PLXDC1: variants seen among roughly 807,000 people sequenced by gnomAD.
PLXDC1 encodes plexin domain-containing protein 1.
PLXDC1 carries 39 observed loss-of-function variants against 61.3 expected under a neutral mutation model. The observed-to-expected ratio is 0.64, with a 90% CI of 0.49 to 0.83. The LOEUF is 0.83. Among genes scored for constraint, PLXDC1 ranks in the 40% least tolerant of loss-of-function variants. PLXDC1 has a pLI of 0.00. For missense variants in PLXDC1, 596 were observed against 666.5 expected, an observed-to-expected ratio of 0.89 and a Z score of 1.17; for synonymous variants, 212 against 254.5, an observed-to-expected ratio of 0.83 and a Z score of 1.59.
chr17:39,139,978 C>A, intron 1 of PLXDC1, 146 bp from the exon 2 acceptor site: 1 of 754,324 alleles, frequency 1.3e-6, no homozygotes, highest in Non-Finnish European at 2.1e-6. Flanking sequence ...ACAGGAGACA[C>A]CCAATGTGTA....
At chr17:39,111,144 C>A (rs957635318) in intron 2 of PLXDC1, among the ~76,000 whole-genome samples, 5 of 152,158 alleles carry the variant, frequency 3.3e-5, no homozygotes, top group African/African-American at 1.2e-4. Context: ...TGTGCCCACC[C>A]CCCAGACCAG....
upstream of PLXDC1, chr17:39,152,913 T>C: frequency 5.4e-6 from 2 of 368,120 alleles, no homozygotes; most frequent in Non-Finnish European, 9.6e-6. Flanking sequence ...CTAAACCCAA[T>C]GTCCCCTTAC....
intron 4 of PLXDC1, 92 bp from the exon 5 acceptor site, chr17:39,108,337 G>A: frequency 7.2e-7 from 1 of 1,379,696 alleles, no homozygotes; most frequent in Non-Finnish European, 1.0e-6. Flanking sequence ...GGGCAGCGCA[G>A]GCAGAGCTGG....
intron 7 of PLXDC1, among the ~76,000 whole-genome samples, chr17:39,101,830 C>G (rs1182540184): frequency 6.6e-6 from 1 of 152,160 alleles, no homozygotes; most frequent in Non-Finnish European, 1.5e-5. Flanking sequence ...CTGCCATCTC[C>G]CTCGATATCA....
chr17:39,125,507 G>A (rs1318983153), intron 2 of PLXDC1, among the ~76,000 whole-genome samples: 1 of 152,166 alleles, frequency 6.6e-6, no homozygotes, highest in Non-Finnish European at 1.5e-5. Context: ...GGCTTTTTGA[G>A]GGATTGTGAT....
At chr17:39,110,636 T>C (rs1026544688) in intron 2 of PLXDC1, among the ~76,000 whole-genome samples, 35 of 152,236 alleles carry the variant, frequency 2.3e-4, no homozygotes, top group African/African-American at 8.2e-4. Flanking sequence ...GAGCCCTGGG[T>C]CATTAATCAG....
chr17:39,132,393 G>A (rs1056860750), intron 2 of PLXDC1, among the ~76,000 whole-genome samples: 93 of 151,984 alleles, frequency 6.1e-4, no homozygotes, highest in African/African-American at 1.9e-3. Context: ...TCCCCGAAAC[G>A]CCCAGTGTCC....
Position 39,063,549 on chromosome 17 carries a change from A to G in PLXDC1, c.*4291T>C. Reference sequence around the variant, plus strand: ...GTTCAGCAGCCATCAGAACCAAGGTATGTGTGGTGATCTTCGGAATGCCAC... The same window carrying G: ...GTTCAGCAGCCATCAGAACCAAGGTGTGTGTGGTGATCTTCGGAATGCCAC... On this transcript the variant is annotated 3_prime_UTR_variant, in exon 14 of 14. Coordinates refer to ENST00000315392, the MANE Select transcript of PLXDC1 (RefSeq NM_020405.5). The G allele has an allele frequency of 1.4e-6, 1 of 698,782 alleles. No individual in the cohort carries two copies. Among genetic ancestry groups the G allele is most frequent in the Non-Finnish European group, 2.6e-6 (1 of 383,824 alleles). 43.3% of individuals were successfully genotyped at this position (698,782 alleles called of 1,614,324 possible).
At chr17:39,124,414 G>C (rs551541170) in intron 2 of PLXDC1, among the ~76,000 whole-genome samples, 118 of 152,174 alleles carry the variant, frequency 7.8e-4, no homozygotes, top group African/African-American at 2.6e-3. Context: ...GCAACATAGG[G>C]AGCCTCCATC....
At chr17:39,078,240 C>G (rs542447318) in intron 10 of PLXDC1, among the ~76,000 whole-genome samples, 192 bp from the exon 11 acceptor site, 1 of 152,276 alleles carries the variant, frequency 6.6e-6, no homozygotes, top group East Asian at 1.9e-4. Context: ...CAAAAGTAGG[C>G]GGCTGGACAG....
chr17:39,093,130 C>T lies in PLXDC1; in HGVS notation c.812-5428G>A, dbSNP rs572277108. 3.7e-4 allele frequency among the ~76,000 whole-genome samples: 57 copies of T among 152,306 alleles called. 1 individual carries two copies. The South Asian group carries it at 0.011, about 31-fold the overall frequency. On this transcript the variant is annotated intron_variant, in intron 7 of 13. Coordinates refer to ENST00000315392, the MANE Select transcript of PLXDC1 (RefSeq NM_020405.5). The stretch of plus-strand genomic sequence containing the variant: ...GTTGCCAGGCTGGAGTGCCGTGGTG[C>T]AATCACGGCTCACTGCAGCCTTGGC...
At chr17:39,110,743 G>A (rs756832083) in intron 2 of PLXDC1, among the ~76,000 whole-genome samples, 2 of 152,236 alleles carry the variant, frequency 1.3e-5, no homozygotes, top group Non-Finnish European at 2.9e-5. Flanking sequence ...TGGGCGCAGC[G>A]TGAGCAGGGA....
intron 1 of PLXDC1, among the ~76,000 whole-genome samples, chr17:39,146,986 C>A (rs899829971): frequency 7.8e-6 from 1 of 128,982 alleles, no homozygotes; most frequent in South Asian, 2.6e-4. Flanking sequence ...GACGGAGTCT[C>A]GCTCTGTCAC....
chr17:39,104,251 G>GCT (rs1910521300), intron 7 of PLXDC1, among the ~76,000 whole-genome samples: 1 of 152,132 alleles, frequency 6.6e-6, no homozygotes, highest in Non-Finnish European at 1.5e-5. Flanking sequence ...CTATTTTACA[G>GCT]ATAAAGAAAT....
intron 2 of PLXDC1, among the ~76,000 whole-genome samples, chr17:39,118,406 G>A (rs998939511): frequency 2.0e-5 from 3 of 151,916 alleles, no homozygotes; most frequent in African/African-American, 7.3e-5. Context: ...GTTTTACCAT[G>A]TTGGCCAGGC....
At chr17:39,080,757 GGA>G (rs1909526954) in intron 9 of PLXDC1, 1 of 152,288 alleles carries the variant, frequency 6.6e-6, no homozygotes, top group Non-Finnish European at 1.5e-5. Flanking sequence ...TCCCCCAGGT[GGA>G]GTTTCTCTGT....
intron 7 of PLXDC1, among the ~76,000 whole-genome samples, chr17:39,091,032 G>A (rs568693576): frequency 1.6e-4 from 24 of 152,288 alleles, no homozygotes; most frequent in African/African-American, 4.3e-4. Flanking sequence ...GTTCCCACCC[G>A]TCATCCTGCA....
rs181183957 is a variant in PLXDC1, at chr17:39,140,047, A to C, written c.77-215T>G. ...CTTCGCACATATCCTTTTAATCCTCATGCCAGCTCTCCGCAGTAGTTAGGA... is the reference window on the plus strand; with the variant it reads ...CTTCGCACATATCCTTTTAATCCTCCTGCCAGCTCTCCGCAGTAGTTAGGA... On this transcript the variant is annotated intron_variant, in intron 1 of 13. Transcript: ENST00000315392. Among the ~76,000 whole-genome samples, 304 of 152,282 alleles carry C rather than the reference A, an allele frequency of 2.0e-3. 1 individual carries two copies. Among genetic ancestry groups the C allele is most frequent in the African/African-American group, 6.8e-3 (281 of 41,546 alleles).
intron 2 of PLXDC1, among the ~76,000 whole-genome samples, chr17:39,139,087 C>G (rs1258171323): frequency 6.6e-6 from 1 of 152,186 alleles, no homozygotes; most frequent in Non-Finnish European, 1.5e-5. Flanking sequence ...TCCCGGAAAC[C>G]CTGAGAGAAG....
Sources: gnomAD v4.1 joint callset for allele counts (sites outside exome capture counted in the v4.1 genomes callset) on GRCh38, gnomAD v4.1.1 for gene constraint, MANE v1.5 for transcripts, NCBI Gene and HGNC (gene_info 2026-07-23, HGNC 2026-07-21) for gene names.